NT5C2: variants seen among roughly 807,000 people sequenced by gnomAD.
NT5C2 encodes the protein cytosolic purine 5'-nucleotidase.
Under a neutral mutation model 76.1 loss-of-function variants are expected in NT5C2, and 58 were observed. The observed-to-expected ratio is 0.76, with a 90% CI of 0.62 to 0.95. The LOEUF (loss-of-function observed/expected upper bound fraction) is 0.95. Ranked by LOEUF, NT5C2 falls within the 40% of genes least tolerant of loss-of-function variation. NT5C2 has a pLI of 0.00. For synonymous variants in NT5C2, 229 were observed against 237.4 expected (o/e 0.96, Z 0.32); for missense variants, 478 against 690.3 (o/e 0.69, Z 3.45).
chr10:103,167,489 T>C (rs2086686812), intron 3 of NT5C2, among the ~76,000 whole-genome samples: 1 of 152,092 alleles, frequency 6.6e-6, no homozygotes, highest in East Asian at 1.9e-4. Context: ...ATGACAAAAT[T>C]AAAAAGCTGA....
chr10:103,172,913 C>A (rs974585342), intron 3 of NT5C2, among the ~76,000 whole-genome samples: 1 of 152,218 alleles, frequency 6.6e-6, no homozygotes, highest in Non-Finnish European at 1.5e-5. Context: ...ACAGCTGAGG[C>A]AGGAGAATTG....
intron 1 of NT5C2, among the ~76,000 whole-genome samples, chr10:103,183,262 GATATATATATATATA>G (rs1490249601): frequency 1.4e-5 from 1 of 73,344 alleles, no homozygotes; most frequent in Non-Finnish European, 2.3e-5. Flanking sequence ...GTGTGTGTGT[GATATATATATATATA>G]TATATATATA....
At chr10:103,153,877 C>G in intron 3 of NT5C2, 1 of 755,314 alleles carries the variant, frequency 1.3e-6, no homozygotes, top group African/African-American at 1.9e-5. Context: ...ACAGGAGGAA[C>G]CTAAAGTATT....
chr10:103,130,136 T>C (rs911946398), intron 4 of NT5C2, among the ~76,000 whole-genome samples: 1 of 151,730 alleles, frequency 6.6e-6, no homozygotes, highest in Non-Finnish European at 1.5e-5. Flanking sequence ...GGGAAAAGAT[T>C]GAGAAATCGG....
chr10:103,153,339 G>A (rs2082725090), intron 3 of NT5C2: 3 of 1,277,204 alleles, frequency 2.3e-6, no homozygotes, highest in African/African-American at 3.1e-5. Flanking sequence ...TGAGAATACA[G>A]GATCAACAAA....
intron 3 of NT5C2, among the ~76,000 whole-genome samples, chr10:103,147,100 G>A (rs1158852936): frequency 1.3e-5 from 2 of 152,180 alleles, no homozygotes; most frequent in Non-Finnish European, 2.9e-5. Flanking sequence ...ATTTGAAACA[G>A]ATTGGAAAAA....
At position 103,090,923 on chromosome 10, in the gene NT5C2, C is replaced by T; in HGVS notation, c.1272+13G>A. On this transcript the variant is annotated intron_variant, in intron 17 of 18. Coordinates refer to ENST00000404739, the MANE Select transcript of NT5C2 (RefSeq NM_001351169.2). Reference sequence around the variant, plus strand: ...TTATTTCCCAAGTTTTCTCCCAAATCCCATTTGGATACCTTAATACGTCTC... The same window carrying T: ...TTATTTCCCAAGTTTTCTCCCAAATTCCATTTGGATACCTTAATACGTCTC... 6.2e-7 allele frequency: 1 copy of T among 1,612,034 alleles called. No individual in the cohort carries two copies. The highest frequency in any genetic ancestry group is 8.5e-7 in the Non-Finnish European group (1 of 1,178,248).
intron 4 of NT5C2, among the ~76,000 whole-genome samples, chr10:103,138,341 C>A (rs181722067): frequency 7.4e-4 from 113 of 152,198 alleles, no homozygotes; most frequent in African/African-American, 2.3e-3. Context: ...TATACATGTA[C>A]CATGGTGGTT....
At chr10:103,128,723 A>G (rs1268208086) in intron 4 of NT5C2, among the ~76,000 whole-genome samples, 38 of 34,996 alleles carry the variant, frequency 1.1e-3, no homozygotes, top group African/African-American at 4.1e-3. Flanking sequence ...CCGCCGCCCC[A>G]TCTGGGATGT....
In NT5C2 at chr10:103,186,640, T is replaced by C. The variant is rs566143441; in HGVS notation, c.-168-5312A>G. Among the ~76,000 whole-genome samples, 6 of 152,172 alleles carry C rather than the reference T, an allele frequency of 3.9e-5. No individual in the cohort carries two copies. The East Asian group carries it at 5.8e-4, about 15-fold the overall frequency. On this transcript the variant is annotated intron_variant, in intron 1 of 18. Coordinates refer to ENST00000404739, the MANE Select transcript of NT5C2 (RefSeq NM_001351169.2). ...AAAAAAATGGCATTTACTGGCTGGG[T>C]GCGGTGGCTCATGCCTGTAATCCCA...
Position 103,101,098 on chromosome 10 carries a change from G to T in NT5C2, c.486C>A (p.Thr162=). 1 of 1,593,644 alleles carries T rather than the reference G, an allele frequency of 6.3e-7. No individual in the cohort carries two copies. The highest frequency in any genetic ancestry group is 8.6e-7 in the Non-Finnish European group (1 of 1,161,446). ...AATCTACTAGGCAGGCCAACAGGTA[G>T]GTCTCTGAAAAATGAAGAACAGATA... The part of the protein sequence containing the change: ...ILNTLFNLPE[T]YLLACLVDFF... The change falls in exon 8 of 19, where the codon ACC becomes ACA. Residue 162 remains threonine (T), a synonymous_variant. Coordinates refer to ENST00000404739, the MANE Select transcript of NT5C2 (RefSeq NM_001351169.2).
intron 4 of NT5C2, among the ~76,000 whole-genome samples, chr10:103,107,735 T>C (rs906039241): frequency 2.5e-4 from 38 of 152,178 alleles, no homozygotes; most frequent in Non-Finnish European, 4.9e-4. Context: ...CAAAGGAGCA[T>C]TGAGTTTGTT....
intron 10 of NT5C2, chr10:103,098,051 A>C (rs1274802303): frequency 1.9e-6 from 1 of 529,858 alleles, no homozygotes; most frequent in Admixed American, 2.0e-5. Flanking sequence ...TCTTTACCAC[A>C]GTACTTTGAG....
At chr10:103,154,440 AAG>A (rs1442501302) in intron 3 of NT5C2, among the ~76,000 whole-genome samples, 1 of 152,178 alleles carries the variant, frequency 6.6e-6, no homozygotes, top group East Asian at 1.9e-4. Flanking sequence ...AAAAATAAAA[AAG>A]AAAAAACAAA....
At chr10:103,095,585 TAATCA>T (rs2067981163) in intron 12 of NT5C2, among the ~76,000 whole-genome samples, 1 of 152,218 alleles carries the variant, frequency 6.6e-6, no homozygotes, top group Non-Finnish European at 1.5e-5. Context: ...CTGTTTCTGT[TAATCA>T]AATATCATCC....
intron 3 of NT5C2, among the ~76,000 whole-genome samples, chr10:103,166,901 T>TC (rs2086542128): frequency 6.6e-6 from 1 of 152,066 alleles, no homozygotes. Context: ...CATCTTCCCA[T>TC]CTCGGTCTCT....
intron 4 of NT5C2, among the ~76,000 whole-genome samples, chr10:103,107,205 C>A (rs1440303772): frequency 1.3e-5 from 2 of 152,130 alleles, no homozygotes; most frequent in African/African-American, 4.8e-5. Context: ...TGGGTAATTG[C>A]TTTATATGCC....
At chr10:103,136,904 T>A (rs966995092) in intron 4 of NT5C2, among the ~76,000 whole-genome samples, 1 of 152,206 alleles carries the variant, frequency 6.6e-6, no homozygotes, top group Admixed American at 6.5e-5. Flanking sequence ...ATTACAGGCA[T>A]GAGCCACCGC....
rs765466066 is a variant in NT5C2 at position 103,093,203 on chromosome 10, C to T, written c.1095G>A (p.Gly365=). The change falls in exon 15 of 19, where the codon GGG becomes GGA. Residue 365 remains glycine (G), a synonymous_variant. Transcript: ENST00000404739. ...GDILKSKKRQ[G]WRTFLVIPEL... ...CAGGAATCACCAAAAAAGTTCGCCA[C>T]CCTTGCCGTTTCTTTGATTTTAAAA... is the stretch of plus-strand genomic sequence containing the variant. 1 of 1,612,060 alleles carries T rather than the reference C, an allele frequency of 6.2e-7. No homozygotes were observed. Among genetic ancestry groups the T allele is most frequent in the East Asian group, 2.2e-5 (1 of 44,816 alleles).
Sources: gnomAD v4.1 joint callset for allele counts (sites outside exome capture counted in the v4.1 genomes callset) on GRCh38, gnomAD v4.1.1 for gene constraint, MANE v1.5 for transcripts, NCBI Gene and HGNC (gene_info 2026-07-23, HGNC 2026-07-21) for gene names.